Variants in TUSC3 observed in about 807,000 individuals in gnomAD.
The protein encoded by TUSC3 is dolichyl-diphosphooligosaccharide--protein glycosyltransferase subunit TUSC3.
TUSC3 carries 45 observed loss-of-function variants against 44.8 expected under a neutral mutation model. The ratio of observed to expected loss-of-function variants is 1.00; its 90% CI spans 0.79 to 1.29. TUSC3 has a LOEUF of 1.29. Among genes scored for constraint, TUSC3 ranks in the 50% most tolerant of loss-of-function variants. TUSC3 has a pLI of 0.00. For missense variants in TUSC3, 519 were observed against 437.9 expected (o/e 1.19, Z -1.65); for synonymous variants, 212 against 152.9 (o/e 1.39, Z -2.85).
At chr8:15,827,527 G>T in the TUSC3 span, among the ~76,000 whole-genome samples, 3 of 152,066 alleles carry the variant, frequency 2.0e-5, no homozygotes, top group Non-Finnish European at 4.4e-5. Flanking sequence ...TAGCTTAATG[G>T]AAGTAAAAAT....
chr8:15,437,779 C>T (rs771519128), intron 1 of TUSC3, among the ~76,000 whole-genome samples: 4 of 152,154 alleles, frequency 2.6e-5, no homozygotes, highest in Non-Finnish European at 4.4e-5. Context: ...ATCTATACCT[C>T]GAGTTTCAGA....
intron 6 of TUSC3, among the ~76,000 whole-genome samples, chr8:15,714,375 T>C (rs1231107807): frequency 6.6e-6 from 1 of 152,136 alleles, no homozygotes; most frequent in Admixed American, 6.6e-5. Flanking sequence ...AGATAGAGGA[T>C]TGAAAAAAAT....
chr8:15,593,453 T>C (rs1451409851), intron 1 of TUSC3, among the ~76,000 whole-genome samples: 1 of 152,202 alleles, frequency 6.6e-6, no homozygotes, highest in African/African-American at 2.4e-5. Flanking sequence ...GTTTTCACCA[T>C]GATTAGAGCA....
At position 15,561,894 on chromosome 8, in the gene TUSC3, A is replaced by G. The variant is rs78504033; in HGVS notation, c.138+21326A>G. On this transcript the variant is annotated intron_variant, in intron 1 of 10. Coordinates refer to ENST00000503731, the MANE Select transcript of TUSC3 (RefSeq NM_006765.4). ...ACGGTGTGCGCACCCACTCTCCTGC[A>G]CCCACTGTCTGGCACTCCCTAGTGA... is the stretch of plus-strand genomic sequence containing the variant. Among the ~76,000 whole-genome samples, 37 of 152,188 alleles carry G rather than the reference A, an allele frequency of 2.4e-4. 1 individual carries two copies. Among genetic ancestry groups the G allele is most frequent in the South Asian group, 8.3e-4 (4 of 4,804 alleles).
chr8:15,824,878 T>C, the TUSC3 span, among the ~76,000 whole-genome samples: 1 of 152,198 alleles, frequency 6.6e-6, no homozygotes, highest in Admixed American at 6.5e-5. Context: ...CTCTTTTTAA[T>C]TGGACTGAAA....
At chr8:15,734,299 A>G (rs1810844381) in intron 7 of TUSC3, among the ~76,000 whole-genome samples, 1 of 152,218 alleles carries the variant, frequency 6.6e-6, no homozygotes, top group African/African-American at 2.4e-5. Flanking sequence ...AAAAAATCAT[A>G]AGAGAAAACA....
the TUSC3 span, among the ~76,000 whole-genome samples, chr8:15,845,703 A>C: frequency 6.6e-6 from 1 of 152,082 alleles, no homozygotes; most frequent in Non-Finnish European, 1.5e-5. Flanking sequence ...TGTTTGCTCT[A>C]GGGGTTTGGA....
At chr8:15,689,594 C>G (rs1808804681) in intron 6 of TUSC3, 1 of 156,534 alleles carries the variant, frequency 6.4e-6, no homozygotes, top group Non-Finnish European at 1.4e-5. Context: ...CACCAACCCA[C>G]CAACACCATG....
At chr8:15,514,526 T>C (rs1801188511) in intron 2 of TUSC3, among the ~76,000 whole-genome samples, 1 of 152,164 alleles carries the variant, frequency 6.6e-6, no homozygotes, top group South Asian at 2.1e-4. Flanking sequence ...TACCTTACAA[T>C]CATGCTGAAA....
upstream of TUSC3, chr8:15,540,253 A>G: frequency 3.5e-6 from 3 of 863,414 alleles, no homozygotes; most frequent in Middle Eastern, 3.8e-4. Context: ...GGTGAACCGG[A>G]TGCTCTGTCA....
chr8:15,678,895 G>T (rs1465180258), intron 6 of TUSC3, among the ~76,000 whole-genome samples: 1 of 152,136 alleles, frequency 6.6e-6, no homozygotes, highest in African/African-American at 2.4e-5. Context: ...CTGTTTCTGT[G>T]TGAATTTGCA....
chr8:15,584,223 G>A (rs1296828230), intron 1 of TUSC3, among the ~76,000 whole-genome samples: 3 of 152,268 alleles, frequency 2.0e-5, no homozygotes, highest in African/African-American at 4.8e-5. Context: ...ATGTGTTGGC[G>A]TGTAGTTAGT....
At chr8:15,715,832 T>C (rs1402799763) in intron 6 of TUSC3, among the ~76,000 whole-genome samples, 1 of 152,204 alleles carries the variant, frequency 6.6e-6, no homozygotes, top group Non-Finnish European at 1.5e-5. Flanking sequence ...CATTTGTTTT[T>C]CCTAAGGTTT....
At chr8:15,659,033 T>G (rs1056639412) in intron 3 of TUSC3, among the ~76,000 whole-genome samples, 1 of 152,174 alleles carries the variant, frequency 6.6e-6, no homozygotes, top group Non-Finnish European at 1.5e-5. Context: ...TCTTTACATT[T>G]GTAATAGGGA....
intron 1 of TUSC3, among the ~76,000 whole-genome samples, chr8:15,587,265 G>A (rs1026079014): frequency 2.0e-5 from 3 of 152,032 alleles, no homozygotes; most frequent in Non-Finnish European, 4.4e-5. Context: ...TATCCATCCT[G>A]ATCTTGAGTT....
chr8:15,572,855 T>C (rs901938663), intron 1 of TUSC3, among the ~76,000 whole-genome samples: 2 of 152,132 alleles, frequency 1.3e-5, no homozygotes, highest in Non-Finnish European at 2.9e-5. Context: ...AAATTTGCCA[T>C]GTTTTACGGG....
chr8:15,446,218 G>A (rs975409377), intron 1 of TUSC3, among the ~76,000 whole-genome samples: 1 of 151,634 alleles, frequency 6.6e-6, no homozygotes, highest in African/African-American at 2.4e-5. Flanking sequence ...GGGTGGCCGG[G>A]CAGAGAGGCT....
At chr8:15,464,795 G>A (rs1800393023) in intron 1 of TUSC3, among the ~76,000 whole-genome samples, 1 of 152,130 alleles carries the variant, frequency 6.6e-6, no homozygotes, top group African/African-American at 2.4e-5. Flanking sequence ...GCACATAATG[G>A]CTCTTCTTTC....
At chr8:15,437,615 C>A (rs1428435793) in intron 1 of TUSC3, among the ~76,000 whole-genome samples, 2 of 152,180 alleles carry the variant, frequency 1.3e-5, no homozygotes, top group African/African-American at 4.8e-5. Flanking sequence ...CTATTAAGAT[C>A]TGAAGCTTTG....
Sources: allele counts gnomAD v4.1 joint callset (sites outside exome capture counted in the v4.1 genomes callset), GRCh38; gene constraint gnomAD v4.1.1; transcripts MANE v1.5; gene names NCBI Gene and HGNC (gene_info 2026-07-23, HGNC 2026-07-21).